The following TCF12 variants were observed in gnomAD, a reference collection of about 807,000 sequenced individuals.
TCF12 encodes transcription factor 12.
In TCF12, 45 loss-of-function variants were observed where a neutral mutation model predicts 86.0. The observed-to-expected ratio is 0.52, with a 90% CI of 0.41 to 0.67. TCF12 has a LOEUF of 0.67. TCF12 is among the 30% of genes least tolerant of loss of function. The probability of loss-of-function intolerance (pLI) is 0.00; values close to 1 mark genes in which losing one functional copy is unlikely to be tolerated. For synonymous variants in TCF12, 330 were observed against 299.6 expected, an observed-to-expected ratio of 1.10 and a Z score of -1.05; for missense variants, 881 against 859.9, an observed-to-expected ratio of 1.02 and a Z score of -0.31.
chr15:56,997,476 G>T (rs1567224710), intron 3 of TCF12, among the ~76,000 whole-genome samples: 1 of 152,108 alleles, frequency 6.6e-6, no homozygotes, highest in Non-Finnish European at 1.5e-5. Flanking sequence ...AGAGGGGGAG[G>T]AAGGGAAAGG....
At chr15:56,941,533 C>G (rs2060776715) in intron 3 of TCF12, among the ~76,000 whole-genome samples, 1 of 151,894 alleles carries the variant, frequency 6.6e-6, no homozygotes, top group African/African-American at 2.4e-5. Flanking sequence ...CCACCACACC[C>G]AGCTAATTTT....
At chr15:56,932,848 C>T (rs1339975262) in intron 3 of TCF12, among the ~76,000 whole-genome samples, 4 of 152,128 alleles carry the variant, frequency 2.6e-5, no homozygotes, top group Non-Finnish European at 4.4e-5. Flanking sequence ...TGTGCCTGGC[C>T]GATTTATTTT....
At chr15:57,053,851 C>T (rs1172597357) in intron 3 of TCF12, among the ~76,000 whole-genome samples, 7 of 152,256 alleles carry the variant, frequency 4.6e-5, no homozygotes, top group Non-Finnish European at 5.9e-5. Flanking sequence ...TATTTTATGA[C>T]GAGGACGGCT....
intron 3 of TCF12, among the ~76,000 whole-genome samples, chr15:56,958,976 T>A (rs1204852770): frequency 6.6e-6 from 1 of 152,242 alleles, no homozygotes; most frequent in African/African-American, 2.4e-5. Context: ...CAGTGCCCTT[T>A]ATATGTATAT....
At chr15:57,106,474 A>G (rs1223984320) in intron 5 of TCF12, among the ~76,000 whole-genome samples, 1 of 152,246 alleles carries the variant, frequency 6.6e-6, no homozygotes, top group Non-Finnish European at 1.5e-5. Context: ...CTCTGAAAGA[A>G]TATACAAGAA....
intron 5 of TCF12, among the ~76,000 whole-genome samples, chr15:57,143,149 G>GCC (rs34779038): frequency 7.3e-6 from 1 of 136,338 alleles, no homozygotes; most frequent in Admixed American, 7.8e-5. Context: ...CCTATTACGT[G>GCC]CCCCCCCCCA....
chr15:57,084,435 T>C (rs2048499363), intron 4 of TCF12, among the ~76,000 whole-genome samples: 1 of 152,198 alleles, frequency 6.6e-6, no homozygotes, highest in Admixed American at 6.6e-5. Context: ...TAATACTGTT[T>C]TACAATGTAC....
At chr15:57,160,572 A>G (rs2151507429) in intron 5 of TCF12, among the ~76,000 whole-genome samples, 1 of 152,346 alleles carries the variant, frequency 6.6e-6, no homozygotes, top group Non-Finnish European at 1.5e-5. Flanking sequence ...GTCACTAAAA[A>G]GAGCTAAATG....
At chr15:57,105,071 A>G (rs914678175) in intron 5 of TCF12, among the ~76,000 whole-genome samples, 1 of 149,098 alleles carries the variant, frequency 6.7e-6, no homozygotes, top group South Asian at 2.1e-4. Flanking sequence ...ATGGCGTTTC[A>G]CCATGTTGGC....
At chr15:57,209,949 A>C (rs1261755286) in intron 8 of TCF12, among the ~76,000 whole-genome samples, 3 of 152,146 alleles carry the variant, frequency 2.0e-5, no homozygotes, top group Non-Finnish European at 4.4e-5. Context: ...TCGTATCCAA[A>C]TGGCTAGTTT....
intron 3 of TCF12, among the ~76,000 whole-genome samples, chr15:56,939,655 AT>A (rs1487043983): frequency 6.6e-6 from 1 of 152,134 alleles, no homozygotes; most frequent in Non-Finnish European, 1.5e-5. Context: ...TGGCTATTTG[AT>A]TTAGGGTTGG....
chr15:56,946,030 C>T (rs532827684), intron 3 of TCF12, among the ~76,000 whole-genome samples: 6 of 152,246 alleles, frequency 3.9e-5, no homozygotes, highest in African/African-American at 1.2e-4. Flanking sequence ...TGTGATAAGA[C>T]ATTTCTTTTC....
At chr15:57,226,211 T>C (rs1310827925) in intron 8 of TCF12, among the ~76,000 whole-genome samples, 2 of 151,434 alleles carry the variant, frequency 1.3e-5, no homozygotes, top group Non-Finnish European at 2.9e-5. Context: ...ACCTAGACTT[T>C]TTTTTTTTTT....
rs752995599 is a variant in TCF12, at chr15:57,232,809, T to G, written c.923T>G (p.Val308Gly). ...HRGSTSSSPY[V>G]AASHTPPING... ...GGCAGTACCAGCAGTTCACCTTACG[T>G]TGCTGCCTCACACACTCCTCCCATC... The change falls in exon 11 of 21, where the codon GTT becomes GGT. Residue 308 changes from valine (V) to glycine (G), a missense_variant. Transcript: ENST00000333725. 6.2e-7 allele frequency: 1 copy of G among 1,612,282 alleles called. No individual in the cohort carries two copies. Among genetic ancestry groups the G allele is most frequent in the Non-Finnish European group, 8.5e-7 (1 of 1,179,226 alleles).
chr15:56,968,406 G>A (rs528378989), intron 3 of TCF12, among the ~76,000 whole-genome samples: 8 of 150,314 alleles, frequency 5.3e-5, no homozygotes, highest in African/African-American at 1.7e-4. Context: ...GTGTTGCCCA[G>A]GCTGGAGTGT....
chr15:57,239,070 A>G (rs1004638437), intron 12 of TCF12, among the ~76,000 whole-genome samples: 19 of 152,280 alleles, frequency 1.2e-4, no homozygotes, highest in Admixed American at 5.2e-4. Flanking sequence ...AAAGTAGACT[A>G]TAAGGGCTAG....
At chr15:57,071,575 G>C (rs941733713) in intron 4 of TCF12, among the ~76,000 whole-genome samples, 2 of 152,118 alleles carry the variant, frequency 1.3e-5, no homozygotes, top group East Asian at 3.9e-4. Flanking sequence ...GCGGAGGTTA[G>C]AATGAGCCTT....
intron 4 of TCF12, among the ~76,000 whole-genome samples, chr15:57,068,425 C>T (rs2069088699): frequency 6.6e-6 from 1 of 152,102 alleles, no homozygotes; most frequent in Admixed American, 6.5e-5. Flanking sequence ...GAATTATTTG[C>T]CGACTCAGTC....
At chr15:57,170,459 G>A (rs2055231419) in intron 6 of TCF12, among the ~76,000 whole-genome samples, 1 of 149,150 alleles carries the variant, frequency 6.7e-6, no homozygotes, top group East Asian at 2.0e-4. Flanking sequence ...TATGTAGTAG[G>A]TCTCTGAAAC....
Sources: allele counts gnomAD v4.1 joint callset (sites outside exome capture counted in the v4.1 genomes callset), GRCh38; gene constraint gnomAD v4.1.1; transcripts MANE v1.5; gene names NCBI Gene and HGNC (gene_info 2026-07-23, HGNC 2026-07-21).